PRXL2B: variants seen among roughly 807,000 people sequenced by gnomAD.
PRXL2B encodes peroxiredoxin like 2B.
Under a neutral mutation model 24.4 loss-of-function variants are expected in PRXL2B, and 26 were observed. That is an observed-to-expected ratio of 1.07 (90% CI 0.78 to 1.48). The LOEUF is 1.48. Among genes scored for constraint, PRXL2B ranks in the 40% most tolerant of loss-of-function variants. The pLI is 0.00. For missense variants in PRXL2B, 269 were observed against 264.8 expected (o/e 1.02, Z -0.11); for synonymous variants, 115 against 118.9 (o/e 0.97, Z 0.21).
At position 2,586,845 on chromosome 1, in the gene PRXL2B, G is replaced by T. The variant is rs368297930; in HGVS notation, c.-41G>T. The T allele has an allele frequency of 1.1e-5, 14 of 1,283,448 alleles. No individual in the cohort carries two copies. The highest frequency in any genetic ancestry group is 1.4e-5 in the Non-Finnish European group (14 of 1,016,166). 79.5% of individuals were successfully genotyped at this position (1,283,448 alleles called of 1,614,324 possible). ...AGCGAGGAGCCGGGAGCGGGGAACA[G>T]GGAGTCGGGGAGCCGGGAACCAGGG... On this transcript the variant is annotated 5_prime_UTR_variant, in exon 1 of 7. The change creates a new upstream start codon in the 5' untranslated region. Transcript: ENST00000419916.
rs760983777 is a variant in PRXL2B at position 2,591,071 on chromosome 1, C to T, written c.*1644C>T. 15 of 1,603,422 alleles carry T rather than the reference C, an allele frequency of 9.4e-6. No individual in the cohort carries two copies. The South Asian group carries it at 1.7e-4, about 18-fold the overall frequency. ...ACGTGTCTGCGAAGGCGGCCAGGTTCTGCAGCGACCCCAGTACCCTGTGGG... is the reference window on the plus strand; with the variant it reads ...ACGTGTCTGCGAAGGCGGCCAGGTTTTGCAGCGACCCCAGTACCCTGTGGG... On this transcript the variant is annotated 3_prime_UTR_variant, in exon 7 of 7. Coordinates refer to ENST00000419916, the MANE Select transcript of PRXL2B (RefSeq NM_152371.5).
intron 6 of PRXL2B, 56 bp from the exon 7 acceptor site, chr1:2,589,354 A>G (rs1260134350): frequency 3.7e-6 from 6 of 1,600,890 alleles, no homozygotes; most frequent in Non-Finnish European, 5.1e-6. Flanking sequence ...GGGGCCCTCC[A>G]GGCATTTGTC....
upstream of PRXL2B, chr1:2,586,770 T>G: frequency 8.2e-7 from 1 of 1,222,062 alleles, no homozygotes; most frequent in Non-Finnish European, 1.0e-6. Flanking sequence ...CCGGGGCATC[T>G]CGGGGCGGGG....
At position 2,587,805 on chromosome 1, in the gene PRXL2B, G is replaced by C. The variant is rs767527757; in HGVS notation, c.320+13G>C. The C allele has an allele frequency of 5.0e-6, 8 of 1,593,750 alleles. No individual in the cohort carries two copies. The highest frequency in any genetic ancestry group is 1.1e-5 in the South Asian group (1 of 88,076). On this transcript the variant is annotated intron_variant, in intron 3 of 6. Transcript: ENST00000419916. This position sits in a 1 kb window ranked among gnomAD's most constrained non-coding sequence, Gnocchi z 6.1. Reference sequence around the variant, plus strand: ...TAGGCTTCAAGCGGTGAGTGGGGGCGGGAACCCTTGGGTAGCGTGGGGTGG... The same window carrying C: ...TAGGCTTCAAGCGGTGAGTGGGGGCCGGAACCCTTGGGTAGCGTGGGGTGG...
In PRXL2B at chr1:2,587,913, C is replaced by A; in HGVS notation, c.320+121C>A. On this transcript the variant is annotated intron_variant, in intron 3 of 6. Coordinates refer to ENST00000419916, the MANE Select transcript of PRXL2B (RefSeq NM_152371.5). This position sits in a 1 kb window ranked among gnomAD's most constrained non-coding sequence, Gnocchi z 6.1. ...TGCTGTCCACTCGGGCCTTCCTGGG[C>A]AAGGCGGCTCTGGTGGCACTGTTGA... 2 of 1,155,438 alleles carry A rather than the reference C, an allele frequency of 1.7e-6. No individual in the cohort carries two copies. The allele number at this position is 1,155,438 out of a possible 1,614,324, so 71.6% of individuals were successfully genotyped here.
At chr1:2,586,750 A>G (rs1487711205), upstream of PRXL2B, 23 of 1,235,162 alleles carry the variant, frequency 1.9e-5, no homozygotes, top group Non-Finnish European at 2.3e-5. Flanking sequence ...CGGCAGCAAG[A>G]AAGGCGGGAC....
rs966917721 is a variant in PRXL2B, at chr1:2,587,811, C to T, written c.320+19C>T. ...TCAAGCGGTGAGTGGGGGCGGGAAC[C>T]CTTGGGTAGCGTGGGGTGGGGGGCC... On this transcript the variant is annotated intron_variant, in intron 3 of 6. Transcript: ENST00000419916. This position sits in a 1 kb window ranked among gnomAD's most constrained non-coding sequence, Gnocchi z 6.1. 2 of 1,588,928 alleles carry T rather than the reference C, an allele frequency of 1.3e-6. No homozygotes were observed. Among genetic ancestry groups the T allele is most frequent in the African/African-American group, 1.3e-5 (1 of 74,598 alleles).
In PRXL2B at chr1:2,587,811, C is replaced by G; in HGVS notation, c.320+19C>G. On this transcript the variant is annotated intron_variant, in intron 3 of 6. Transcript: ENST00000419916. The surrounding 1 kb of genome is among the most constrained non-coding windows in gnomAD (Gnocchi z 6.1). ...TCAAGCGGTGAGTGGGGGCGGGAAC[C>G]CTTGGGTAGCGTGGGGTGGGGGGCC... 1 of 1,588,928 alleles carries G rather than the reference C, an allele frequency of 6.3e-7. No homozygotes were observed. The highest frequency in any genetic ancestry group is 8.6e-7 in the Non-Finnish European group (1 of 1,168,048).
In PRXL2B at chr1:2,589,041, G is replaced by A. The variant is rs1269964784; in HGVS notation, c.579+1G>A. On this transcript the variant is annotated splice_donor_variant, in intron 6 of 6. Coordinates refer to ENST00000419916, the MANE Select transcript of PRXL2B (RefSeq NM_152371.5). LOFTEE classifies it high-confidence loss of function. ...GGTCTGTGCCAGCGACCCGCCTCAG[G>A]TGAGCTGGGCCTTGGGGGCGCTGCC... 3.1e-6 allele frequency: 5 copies of A among 1,612,482 alleles called. No individual in the cohort carries two copies. In the South Asian group the frequency reaches 5.5e-5, roughly 18 times the overall value.
At position 2,586,881 on chromosome 1, in the gene PRXL2B, C is replaced by T. The variant is rs866661271; in HGVS notation, c.-5C>T. 1.5e-6 allele frequency: 2 copies of T among 1,295,108 alleles called. No individual in the cohort carries two copies. The highest frequency in any genetic ancestry group is 3.0e-5 in the South Asian group (1 of 33,660). The allele number at this position is 1,295,108 out of a possible 1,614,324, so 80.2% of individuals were successfully genotyped here. A position where few individuals can be genotyped will look rare whatever the true frequency, so the allele number is the denominator to read the frequency against. On this transcript the variant is annotated 5_prime_UTR_variant, in exon 1 of 7. Coordinates refer to ENST00000419916, the MANE Select transcript of PRXL2B (RefSeq NM_152371.5). Reference sequence around the variant, plus strand: ...AGCCGGGAACCAGGGCTGGCAGCGGCCGCCATGAGCACGGTGGACCTTGCT... The same window carrying T: ...AGCCGGGAACCAGGGCTGGCAGCGGTCGCCATGAGCACGGTGGACCTTGCT...
At position 2,588,937 on chromosome 1, in the gene PRXL2B, TC is replaced by T; in HGVS notation, c.478del (p.Leu160CysfsTer57). The T allele has an allele frequency of 1.9e-6, 3 of 1,613,266 alleles. No individual in the cohort carries two copies. The highest frequency in any genetic ancestry group is 2.2e-5 in the South Asian group (2 of 91,090). On this transcript the variant is annotated frameshift_variant, in exon 6 of 7. Coordinates refer to ENST00000419916, the MANE Select transcript of PRXL2B (RefSeq NM_152371.5). LOFTEE classifies it high-confidence loss of function. ...LVVSKGGDKVLLHFVQKSPGD... is the reference protein window; with the variant it reads ...LVVSKGGDKVXLHFVQKSPGD... Reference sequence around the variant, plus strand: ...GCTGCTACAGGTGGTGATAAAGTGCTCCTGCATTTCGTCCAGAAGTCCCCAG... The same window carrying T: ...GCTGCTACAGGTGGTGATAAAGTGCTCTGCATTTCGTCCAGAAGTCCCCAG...
In PRXL2B at chr1:2,591,318, T is replaced by G. The variant is rs1644697346; in HGVS notation, c.*1891T>G. 1.7e-6 allele frequency: 1 copy of G among 597,286 alleles called. No individual in the cohort carries two copies. The highest frequency in any genetic ancestry group is 1.9e-5 in the African/African-American group (1 of 53,766). 37.0% of individuals were successfully genotyped at this position (597,286 alleles called of 1,614,324 possible). On this transcript the variant is annotated 3_prime_UTR_variant, in exon 7 of 7. Coordinates refer to ENST00000419916, the MANE Select transcript of PRXL2B (RefSeq NM_152371.5). ...ATATTCCAACTCTGCAATAAAACTC[T>G]CCTTCACACAGAAACATTCGCAGCC...
At chr1:2,588,346 C>T (rs1644579439) in intron 3 of PRXL2B, 44 bp from the exon 4 acceptor site, 1 of 1,613,832 alleles carries the variant, frequency 6.2e-7, no homozygotes, top group African/African-American at 1.3e-5. Context: ...GCTCTGGACC[C>T]AGGCTTCTCC....
At chr1:2,586,632 G>A (rs1177587975), upstream of PRXL2B, 9 of 858,316 alleles carry the variant, frequency 1.0e-5, no homozygotes, top group Admixed American at 4.4e-5. Context: ...CGAATCCGAG[G>A]GGGCGGAGCA....
chr1:2,587,220 G>C lies in PRXL2B; in HGVS notation c.193G>C (p.Gly65Arg). The C allele has an allele frequency of 1.3e-6, 2 of 1,573,006 alleles. No individual in the cohort carries two copies. Among genetic ancestry groups the C allele is most frequent in the South Asian group, 2.3e-5 (2 of 86,810 alleles). Residue 65 changes from glycine to arginine, a missense_variant, in exon 2 of 7, where the codon GGC becomes CGC. Transcript: ENST00000419916. This position sits in a 1 kb window ranked among gnomAD's most constrained non-coding sequence, Gnocchi z 6.1. Reference protein sequence around the residue: ...SSLAGLLDQHGVRLVGVGPEA... With the variant: ...SSLAGLLDQHRVRLVGVGPEA... Reference sequence around the variant, plus strand: ...CCTTGCTGGGCTCCTGGACCAACACGGCGTGCGCCTGGTGGGCGTAGGGCC... The same window carrying C: ...CCTTGCTGGGCTCCTGGACCAACACCGCGTGCGCCTGGTGGGCGTAGGGCC...
In PRXL2B at chr1:2,588,549, G is replaced by T; in HGVS notation, c.385-1G>T. ...ACTCAGGCTGTACCCACTCCTGACA[G>T]GCCAAGGCTGTTGGCATCCAGGGGA... is the stretch of plus-strand genomic sequence containing the variant. On this transcript the variant is annotated splice_acceptor_variant, in intron 4 of 6. Transcript: ENST00000419916. LOFTEE classifies it high-confidence loss of function. The T allele has an allele frequency of 6.2e-7, 1 of 1,614,128 alleles. No homozygotes were observed.
rs1644605821 is a variant in PRXL2B at position 2,589,017 on chromosome 1, G to A, written c.556G>A (p.Val186Ile). 1 of 1,613,096 alleles carries A rather than the reference G, an allele frequency of 6.2e-7. No homozygotes were observed. Among genetic ancestry groups the A allele is most frequent in the African/African-American group, 1.3e-5 (1 of 75,070 alleles). The change falls in exon 6 of 7, where the codon GTC (valine) becomes ATC (isoleucine). Residue 186 changes from valine to isoleucine, a missense_variant. Val to Ile is a conservative substitution (Grantham distance 29). Transcript: ENST00000419916. ...ILQVLGISAE[V>I]CASDPPQCDR... ...GCAGGTCCTGGGCATCTCTGCGGAGGTCTGTGCCAGCGACCCGCCTCAGGT... is the reference window on the plus strand; with the variant it reads ...GCAGGTCCTGGGCATCTCTGCGGAGATCTGTGCCAGCGACCCGCCTCAGGT...
Position 2,589,712 on chromosome 1 carries a change from T to A in PRXL2B, c.*285T>A, listed in dbSNP as rs1644634325. Reference sequence around the variant, plus strand: ...GGTGTCATCTTCCTGCTCTGCGACTTTCTCTGGAGACCTTGGGCCTTTGGC... The same window carrying A: ...GGTGTCATCTTCCTGCTCTGCGACTATCTCTGGAGACCTTGGGCCTTTGGC... On this transcript the variant is annotated 3_prime_UTR_variant, in exon 7 of 7. Coordinates refer to ENST00000419916, the MANE Select transcript of PRXL2B (RefSeq NM_152371.5). 1 of 556,674 alleles carries A rather than the reference T, an allele frequency of 1.8e-6. No individual in the cohort carries two copies. Among genetic ancestry groups the A allele is most frequent in the Non-Finnish European group, 3.2e-6 (1 of 312,584 alleles). 34.5% of individuals were successfully genotyped at this position (556,674 alleles called of 1,614,324 possible).
chr1:2,586,527 A>C, upstream of PRXL2B: 1 of 349,414 alleles, frequency 2.9e-6, no homozygotes, highest in Non-Finnish European at 5.1e-6. Flanking sequence ...CGGATTGAGG[A>C]GGCGGGAGGG....
Sources: gnomAD v4.1 joint callset for allele counts on GRCh38, gnomAD v4.1.1 for gene constraint, Gnocchi (gnomAD v3.1) non-coding constraint, MANE v1.5 for transcripts, NCBI Gene and HGNC (gene_info 2026-07-23, HGNC 2026-07-21) for gene names.